CCNC: variants seen among roughly 807,000 people sequenced by gnomAD.
The protein encoded by CCNC is cyclin C.
CCNC carries 19 observed loss-of-function variants against 50.0 expected under a neutral mutation model. That is an observed-to-expected ratio of 0.38 (90% CI 0.27 to 0.56). The LOEUF (loss-of-function observed/expected upper bound fraction) is 0.56, where lower values mean the gene tolerates loss of function less well. Among genes scored for constraint, CCNC ranks in the 20% least tolerant of loss-of-function variants. CCNC has a pLI of 0.72. For synonymous variants in CCNC, 93 were observed against 103.7 expected (o/e 0.90, Z 0.63); for missense variants, 200 against 327.1 (o/e 0.61, Z 3.00).
At chr6:99,567,871 G>A (rs1393717095) in intron 1 of CCNC, among the ~76,000 whole-genome samples, 4 of 152,140 alleles carry the variant, frequency 2.6e-5, no homozygotes, top group Non-Finnish European at 5.9e-5. Flanking sequence ...AAAGTCACTG[G>A]AAAAATAGGC....
rs1054227 is a variant in CCNC at position 99,542,980 on chromosome 6, T to C, written c.*575A>G. ...TGCTAGGCTGGGCTAGTATCTTCCATGGCAAGATCCTCAAACTACTGAATA... is the reference window on the plus strand; with the variant it reads ...TGCTAGGCTGGGCTAGTATCTTCCACGGCAAGATCCTCAAACTACTGAATA... On this transcript the variant is annotated 3_prime_UTR_variant, in exon 12 of 12. Coordinates refer to ENST00000520429, the MANE Select transcript of CCNC (RefSeq NM_005190.4). 0.14 allele frequency: 21,637 copies of C among 152,574 alleles called. 1,827 individuals carry two copies. Among genetic ancestry groups the C allele is most frequent in the Middle Eastern group, 0.24 (71 of 294 alleles). 9.5% of individuals were successfully genotyped at this position (152,574 alleles called of 1,614,324 possible).
chr6:99,566,658 A>C (rs1194423391), intron 1 of CCNC, among the ~76,000 whole-genome samples: 1 of 152,186 alleles, frequency 6.6e-6, no homozygotes, highest in Non-Finnish European at 1.5e-5. Context: ...TAAAAAGATA[A>C]ATTTCACAAA....
chr6:99,551,143 A>G (rs2296155), intron 6 of CCNC, 115 bp from the exon 7 acceptor site: 75,134 of 454,646 alleles, frequency 0.17, 6,642 homozygotes, highest in Middle Eastern at 0.21. Context: ...TTTTTACTAA[A>G]AAGTTTTAAA....
At chr6:99,551,610 A>G (rs966595019) in intron 6 of CCNC, among the ~76,000 whole-genome samples, 1 of 152,162 alleles carries the variant, frequency 6.6e-6, no homozygotes, top group Non-Finnish European at 1.5e-5. Flanking sequence ...CATCAGTATT[A>G]TTTACAAGTT....
At chr6:99,547,373 T>C (rs1583569204) in intron 9 of CCNC, among the ~76,000 whole-genome samples, 2 of 151,890 alleles carry the variant, frequency 1.3e-5, no homozygotes, top group South Asian at 2.1e-4. Context: ...GCTATTAACA[T>C]GGGCATGCAT....
chr6:99,556,584 T>C (rs932088785), intron 5 of CCNC, among the ~76,000 whole-genome samples: 2 of 149,976 alleles, frequency 1.3e-5, no homozygotes. Flanking sequence ...TTTGGGAGGC[T>C]GAGGTGGGTC....
chr6:99,560,337 T>C (rs1802726673), intron 4 of CCNC, among the ~76,000 whole-genome samples: 1 of 152,184 alleles, frequency 6.6e-6, no homozygotes, highest in Non-Finnish European at 1.5e-5. Context: ...CCACTCACAA[T>C]TAGAAAACAT....
At chr6:99,544,655 A>G (rs2128866351) in intron 11 of CCNC, among the ~76,000 whole-genome samples, 1 of 152,144 alleles carries the variant, frequency 6.6e-6, no homozygotes, top group South Asian at 2.1e-4. Flanking sequence ...CTTAAAAACC[A>G]AAATTCTTTA....
At chr6:99,558,408 G>A in intron 5 of CCNC, 89 bp downstream of exon 5, 3 of 1,544,384 alleles carry the variant, frequency 1.9e-6, no homozygotes, top group Non-Finnish European at 2.6e-6. Context: ...AATCTCATAT[G>A]TCTCATAAAC....
chr6:99,556,977 A>G (rs1251764816), intron 5 of CCNC, among the ~76,000 whole-genome samples: 8 of 152,222 alleles, frequency 5.3e-5, no homozygotes, highest in Admixed American at 5.2e-4. Context: ...TTCATTTAGC[A>G]TCGAAGGCCC....
Position 99,550,333 on chromosome 6 carries a change from T to A in CCNC, c.439-24A>T, listed in dbSNP as rs375053889. ...TCCTAGAAACAGTTTAAAAAATGTG[T>A]ATGTATAAAAAACAGATTTATTACA... On this transcript the variant is annotated intron_variant, in intron 7 of 11. Transcript: ENST00000520429. The A allele has an allele frequency of 9.9e-6, 15 of 1,519,972 alleles. No individual in the cohort carries two copies. The African/African-American group carries it at 2.1e-4, about 21-fold the overall frequency. 94.2% of individuals were successfully genotyped at this position (1,519,972 alleles called of 1,614,324 possible).
At chr6:99,558,347 C>T in intron 5 of CCNC, 150 bp downstream of exon 5, 12 of 1,167,036 alleles carry the variant, frequency 1.0e-5, no homozygotes, top group South Asian at 2.4e-5. Flanking sequence ...GATTTTTTTG[C>T]CAGATACACT....
chr6:99,559,003 G>A (rs941373912), intron 4 of CCNC, among the ~76,000 whole-genome samples: 1 of 151,836 alleles, frequency 6.6e-6, no homozygotes, highest in African/African-American at 2.4e-5. Flanking sequence ...AAGCCTTAAG[G>A]TTACAGTGTC....
At chr6:99,553,561 A>G (rs1178503596) in intron 5 of CCNC, among the ~76,000 whole-genome samples, 1 of 152,108 alleles carries the variant, frequency 6.6e-6, no homozygotes, top group Non-Finnish European at 1.5e-5. Context: ...CATCTATTCA[A>G]TTGATAACTC....
rs1223799038 is a variant in CCNC, at chr6:99,558,521, A to G, written c.322T>C (p.Leu108=). 6.2e-7 allele frequency: 1 copy of G among 1,608,696 alleles called. No homozygotes were observed. The highest frequency in any genetic ancestry group is 8.5e-7 in the Non-Finnish European group (1 of 1,178,170). The change falls in exon 5 of 12, where the codon TTG becomes CTG. Residue 108 remains leucine (L), a synonymous_variant. Coordinates refer to ENST00000520429, the MANE Select transcript of CCNC (RefSeq NM_005190.4). ...CATACAGAAGTAGCAGCAGCAATCA[A>G]TCTTGTATTTGAAACTACTCCAAAT... is the stretch of plus-strand genomic sequence containing the variant. The part of the protein sequence containing the change: ...EEFGVVSNTR[L]IAAATSVLKT...
chr6:99,556,734 A>G (rs1802526797), intron 5 of CCNC, among the ~76,000 whole-genome samples: 1 of 152,238 alleles, frequency 6.6e-6, no homozygotes, highest in African/African-American at 2.4e-5. Context: ...CAGCCTGGCC[A>G]AAATGTTGAA....
chr6:99,548,372 G>A (rs187121826), intron 9 of CCNC, among the ~76,000 whole-genome samples: 12 of 152,260 alleles, frequency 7.9e-5, no homozygotes, highest in African/African-American at 2.9e-4. Context: ...GGAACTGCCA[G>A]TAATACAGAA....
intron 1 of CCNC, among the ~76,000 whole-genome samples, chr6:99,564,404 T>TA (rs1769024563): frequency 7.4e-6 from 1 of 134,372 alleles, no homozygotes; most frequent in South Asian, 2.3e-4. Context: ...CAGCCTGGGG[T>TA]ACAGAGTGAG....
intron 11 of CCNC, among the ~76,000 whole-genome samples, chr6:99,544,723 A>G (rs1802007092): frequency 2.0e-5 from 3 of 149,706 alleles, no homozygotes; most frequent in South Asian, 2.1e-4. Context: ...GAAATTTATA[A>G]AACAGGACAA....
Sources: gnomAD v4.1 joint callset for allele counts (sites outside exome capture counted in the v4.1 genomes callset) on GRCh38, gnomAD v4.1.1 for gene constraint, MANE v1.5 for transcripts, NCBI Gene and HGNC (gene_info 2026-07-23, HGNC 2026-07-21) for gene names.